The following ATP5PO variants were observed in gnomAD, a reference collection of about 807,000 sequenced individuals.
ATP5PO encodes the protein ATP synthase peripheral stalk subunit OSCP, also known as ATP synthase peripheral stalk subunit OSCP, mitochondrial.
ATP5PO carries 14 observed loss-of-function variants against 26.2 expected under a neutral mutation model. The observed-to-expected ratio is 0.53, with a 90% confidence interval of 0.35 to 0.83. ATP5PO has a LOEUF of 0.83. Among genes scored for constraint, ATP5PO ranks in the 40% least tolerant of loss-of-function variants. ATP5PO has a pLI of 0.01. For synonymous variants in ATP5PO, 106 were observed against 95.1 expected (o/e 1.12, Z -0.67); for missense variants, 241 against 258.5 (o/e 0.93, Z 0.46).
chr21:33,913,558 T>A (rs1987275528), intron 2 of ATP5PO, among the ~76,000 whole-genome samples: 1 of 152,230 alleles, frequency 6.6e-6, no homozygotes, highest in South Asian at 2.1e-4. Flanking sequence ...TAGCCATGTA[T>A]CATTTCAGGG....
At chr21:33,915,645 A>G (rs541443960) in intron 1 of ATP5PO, 83 bp downstream of exon 1, 147 of 1,524,904 alleles carry the variant, frequency 9.6e-5, no homozygotes, top group Non-Finnish European at 1.2e-4. Flanking sequence ...CAGCCGAAGC[A>G]TCGCACCCTG....
chr21:33,910,151 G>A (rs1987229548), intron 3 of ATP5PO, among the ~76,000 whole-genome samples: 1 of 152,126 alleles, frequency 6.6e-6, no homozygotes, highest in Non-Finnish European at 1.5e-5. Flanking sequence ...TCCAACAAAC[G>A]AACAGCAGTT....
intron 1 of ATP5PO, chr21:33,915,524 G>T: frequency 1.4e-6 from 1 of 699,284 alleles, no homozygotes; most frequent in Non-Finnish European, 2.2e-6. Context: ...GTTACGGCAC[G>T]CGCAGCCCCG....
chr21:33,906,337 A>T (rs952732961), intron 5 of ATP5PO: 3 of 241,582 alleles, frequency 1.2e-5, no homozygotes, highest in Non-Finnish European at 2.5e-5. Context: ...TAGGGAAGAA[A>T]ATACATATTG....
At chr21:33,906,327 T>C (rs1026354457) in intron 5 of ATP5PO, 7 of 241,532 alleles carry the variant, frequency 2.9e-5, no homozygotes, top group Middle Eastern at 1.6e-3. Context: ...CTGAGTTACA[T>C]AGGGAAGAAA....
intron 3 of ATP5PO, among the ~76,000 whole-genome samples, chr21:33,911,409 T>G (rs1987245299): frequency 6.6e-6 from 1 of 152,136 alleles, no homozygotes; most frequent in African/African-American, 2.4e-5. Context: ...TATTCTTCCC[T>G]CACATTTTGG....
chr21:33,911,662 G>GTTTTTTTTT lies in ATP5PO; in HGVS notation c.198+618_198+626dup, dbSNP rs58774588. Among the ~76,000 whole-genome samples, 863 of 92,106 alleles carry GTTTTTTTTT rather than the reference G, an allele frequency of 9.4e-3. 38 individuals are homozygous for GTTTTTTTTT. The highest frequency in any genetic ancestry group is 0.015 in the South Asian group (33 of 2,256). 60.4% of individuals were successfully genotyped at this position (92,106 alleles called of 152,430 possible). ...CTAAACACCTAGCCCATAAGCATAG[G>GTTTTTTTTT]TTTTTTTTTTTTTTTTTTTTTTTTG... is the stretch of plus-strand genomic sequence containing the variant. On this transcript the variant is annotated intron_variant, in intron 3 of 6. Coordinates refer to ENST00000290299, the MANE Select transcript of ATP5PO (RefSeq NM_001697.3).
At chr21:33,912,109 T>C (rs1447185694) in intron 3 of ATP5PO, among the ~76,000 whole-genome samples, 180 bp downstream of exon 3, 1 of 152,240 alleles carries the variant, frequency 6.6e-6, no homozygotes, top group Non-Finnish European at 1.5e-5. Flanking sequence ...ATGTATCTGT[T>C]TGTTCTTTTT....
chr21:33,908,979 T>G (rs1049144947), intron 4 of ATP5PO, 103 bp downstream of exon 4: 3 of 1,333,124 alleles, frequency 2.3e-6, no homozygotes, highest in Non-Finnish European at 2.0e-6. Context: ...GATTCTTCAC[T>G]GCCAACAGGC....
At chr21:33,914,572 CA>C (rs533283808) in intron 1 of ATP5PO, 72 bp from the exon 2 acceptor site, 5 of 1,427,322 alleles carry the variant, frequency 3.5e-6, no homozygotes, top group South Asian at 1.2e-5. Context: ...TCAATAACAA[CA>C]AAAAATTTTA....
rs976791229 is a variant in ATP5PO at position 33,903,955 on chromosome 21, C to T, written c.508G>A (p.Val170Ile). The T allele has an allele frequency of 3.1e-6, 5 of 1,612,294 alleles. No individual in the cohort carries two copies. The highest frequency in any genetic ancestry group is 2.7e-5 in the African/African-American group (2 of 74,832). ...VLKSFLSQGQ[V>I]LKLEAKTDPS... Reference sequence around the variant, plus strand: ...CCTACCTTAGCCTCCAATTTCAATACTTGGCCTTGACTTAGGAAGCTCTTG... The same window carrying T: ...CCTACCTTAGCCTCCAATTTCAATATTTGGCCTTGACTTAGGAAGCTCTTG... Residue 170 changes from valine (V) to isoleucine (I), a missense_variant, in exon 6 of 7, where the codon GTA becomes ATA. Physicochemically the swap from Val to Ile is conservative, Grantham distance 29. Transcript: ENST00000290299.
At chr21:33,907,143 C>A (rs747080143) in intron 5 of ATP5PO, 198 bp downstream of exon 5, 57 of 561,688 alleles carry the variant, frequency 1.0e-4, no homozygotes, top group Non-Finnish European at 1.6e-4. Flanking sequence ...TCACTGGTTA[C>A]AGAAGCACTA....
At position 33,905,918 on chromosome 21, in the gene ATP5PO, G is replaced by GAAAAAAAGAA. The variant is rs1357291898; in HGVS notation, c.441+1422_441+1423insTTCTTTTTTT. On this transcript the variant is annotated intron_variant, in intron 5 of 6. Coordinates refer to ENST00000290299, the MANE Select transcript of ATP5PO (RefSeq NM_001697.3). ...CAGAGTGAGACTCAGTCTCAAAAAA[G>GAAAAAAAGAA]AAAAAAAAAAAAAAAAAAAAGAAAA... Among the ~76,000 whole-genome samples, 150 of 98,468 alleles carry GAAAAAAAGAA rather than the reference G, an allele frequency of 1.5e-3. 2 individuals are homozygous for GAAAAAAAGAA. Among genetic ancestry groups the GAAAAAAAGAA allele is most frequent in the Non-Finnish European group, 2.1e-3 (108 of 52,256 alleles). The allele number at this position is 98,468 out of a possible 152,430, so 64.6% of individuals were successfully genotyped here.
At chr21:33,913,928 C>T (rs759592635) in intron 2 of ATP5PO, among the ~76,000 whole-genome samples, 11 of 152,032 alleles carry the variant, frequency 7.2e-5, no homozygotes, top group African/African-American at 1.2e-4. Context: ...TATAGGCATG[C>T]GCCACTATGC....
Position 33,903,696 on chromosome 21 carries a change from A to C in ATP5PO, c.529-57T>G, listed in dbSNP as rs899290972. The C allele has an allele frequency of 3.2e-6, 5 of 1,574,252 alleles. No homozygotes were observed. In the East Asian group the frequency reaches 9.0e-5, roughly 28 times the overall value. ...ACGCGCTAATCAAATGGGACACACA[A>C]AAAAGTGTTTTGAAAGGCTAAATGT... On this transcript the variant is annotated intron_variant, in intron 6 of 6. Coordinates refer to ENST00000290299, the MANE Select transcript of ATP5PO (RefSeq NM_001697.3).
chr21:33,911,797 G>A (rs984656426), intron 3 of ATP5PO, among the ~76,000 whole-genome samples: 1 of 151,010 alleles, frequency 6.6e-6, no homozygotes, highest in Non-Finnish European at 1.5e-5. Flanking sequence ...CGGAGTAGCT[G>A]GGATTACAGG....
chr21:33,914,361 C>A, intron 2 of ATP5PO, 89 bp downstream of exon 2: 1 of 1,330,326 alleles, frequency 7.5e-7, no homozygotes, highest in Non-Finnish European at 1.1e-6. Flanking sequence ...TAGATAGTAA[C>A]TACACAAAAA....
intron 3 of ATP5PO, among the ~76,000 whole-genome samples, chr21:33,910,746 G>A (rs1462628618): frequency 1.3e-5 from 2 of 152,174 alleles, no homozygotes; most frequent in African/African-American, 4.8e-5. Flanking sequence ...GGCTCTGAGA[G>A]AATCATAAGA....
Position 33,913,904 on chromosome 21 carries a change from C to T in ATP5PO, c.87+546G>A, listed in dbSNP as rs766584721. 1.8e-4 allele frequency among the ~76,000 whole-genome samples: 27 copies of T among 152,188 alleles called. 1 individual carries two copies. Among genetic ancestry groups the T allele is most frequent in the South Asian group, 6.2e-4 (3 of 4,822 alleles). ...AAGCAATTCTCCTACCTCAGCCTCC[C>T]GAGTGGCTGGGATTATAGGCATGCG... On this transcript the variant is annotated intron_variant, in intron 2 of 6. Transcript: ENST00000290299.
Sources: gnomAD v4.1 joint callset for allele counts (sites outside exome capture counted in the v4.1 genomes callset) on GRCh38, gnomAD v4.1.1 for gene constraint, MANE v1.5 for transcripts, NCBI Gene and HGNC (gene_info 2026-07-23, HGNC 2026-07-21) for gene names.